Variants in IL16 observed in about 807,000 individuals in gnomAD.
IL16 encodes interleukin 16.
IL16 carries 67 observed loss-of-function variants against 110.1 expected under a neutral mutation model. That is an observed-to-expected ratio of 0.61 (90% CI 0.50 to 0.75). The LOEUF (loss-of-function observed/expected upper bound fraction) is 0.75, where lower values mean the gene tolerates loss of function less well. Ranked by LOEUF, IL16 falls within the 30% of genes least tolerant of loss-of-function variation. IL16 has a pLI of 0.00. For missense variants in IL16, 1,545 were observed against 1,655.0 expected (o/e 0.93, Z 1.15); for synonymous variants, 689 against 662.9 (o/e 1.04, Z -0.61).
chr15:81,201,439 C>A (rs997239458), intron 1 of IL16, among the ~76,000 whole-genome samples: 1 of 152,122 alleles, frequency 6.6e-6, no homozygotes, highest in South Asian at 2.1e-4. Context: ...ATTTAGAGAT[C>A]ACGAAATGTC....
intron 1 of IL16, among the ~76,000 whole-genome samples, chr15:81,219,270 G>A (rs746576198): frequency 3.9e-5 from 6 of 152,148 alleles, no homozygotes; most frequent in Admixed American, 1.3e-4. Flanking sequence ...GACTGAGTGC[G>A]TCCTAAGTGT....
At chr15:81,235,184 G>A (rs541426482) in intron 2 of IL16, among the ~76,000 whole-genome samples, 9 of 152,212 alleles carry the variant, frequency 5.9e-5, no homozygotes, top group Non-Finnish European at 1.2e-4. Context: ...AGATAAGGTT[G>A]GGGGCTGTGT....
chr15:81,251,022 C>T (rs767675152), intron 2 of IL16, among the ~76,000 whole-genome samples: 3 of 152,140 alleles, frequency 2.0e-5, no homozygotes, highest in Non-Finnish European at 2.9e-5. Context: ...CAAATTATCT[C>T]AGAGCAACCT....
chr15:81,254,090 T>C (rs1371822162), intron 2 of IL16, among the ~76,000 whole-genome samples: 2 of 152,288 alleles, frequency 1.3e-5, no homozygotes, highest in East Asian at 3.9e-4. Flanking sequence ...AGGAGGACAG[T>C]TGAATTCTAT....
In IL16 at chr15:81,212,653, G is replaced by A. The variant is rs553143157; in HGVS notation, c.-101-12646G>A. 2.3e-3 allele frequency among the ~76,000 whole-genome samples: 351 copies of A among 152,024 alleles called. 2 individuals are homozygous for A. The highest frequency in any genetic ancestry group is 0.013 in the South Asian group (63 of 4,804). On this transcript the variant is annotated intron_variant, in intron 1 of 18. Coordinates refer to ENST00000683961, the MANE Select transcript of IL16 (RefSeq NM_172217.5). ...CACCCAGCTAAGTTTTGTATTTTTA[G>A]TAGAGATGGGGTTTCACTATATTGG...
Position 81,299,389 on chromosome 15 carries a change from C to T in IL16, c.2063C>T (p.Thr688Ile), listed in dbSNP as rs745526058. The change falls in exon 14 of 19, where the codon ACA becomes ATA. Residue 688 changes from threonine to isoleucine, a missense_variant. Coordinates refer to ENST00000683961, the MANE Select transcript of IL16 (RefSeq NM_172217.5). ...TGTTTCTGCACTGTAGTGACCCAAACATCCCCGATAAAACACCCACTGCTT... is the reference window on the plus strand; with the variant it reads ...TGTTTCTGCACTGTAGTGACCCAAATATCCCCGATAAAACACCCACTGCTT... Reference protein sequence around the residue: ...GWRRASPVTQTSPIKHPLLKR... With the variant: ...GWRRASPVTQISPIKHPLLKR... 14 of 1,612,786 alleles carry T rather than the reference C, an allele frequency of 8.7e-6. No homozygotes were observed. The highest frequency in any genetic ancestry group is 1.7e-5 in the Admixed American group (1 of 60,012).
intron 1 of IL16, among the ~76,000 whole-genome samples, chr15:81,211,975 C>T (rs1896260756): frequency 6.6e-6 from 1 of 152,062 alleles, no homozygotes; most frequent in African/African-American, 2.4e-5. Context: ...TTCATTGTGT[C>T]TCTGCCACAT....
chr15:81,292,030 G>A (rs1016446191), intron 11 of IL16: 5 of 454,464 alleles, frequency 1.1e-5, no homozygotes, highest in Admixed American at 9.4e-5. Flanking sequence ...GGAGCAGGCA[G>A]GGTAGACAGA....
rs562618334 is a variant in IL16 at position 81,199,897 on chromosome 15, T to C, written c.-102+2745T>C. Among the ~76,000 whole-genome samples, 7 of 152,250 alleles carry C rather than the reference T, an allele frequency of 4.6e-5. No homozygotes were observed. The East Asian group carries it at 1.2e-3, about 25-fold the overall frequency. On this transcript the variant is annotated intron_variant, in intron 1 of 18. Coordinates refer to ENST00000683961, the MANE Select transcript of IL16 (RefSeq NM_172217.5). ...GACCTCTTGAGTAGGGCTGAGCAAA[T>C]GCGGCAAAATCAATGCACATATGAC...
chr15:81,220,296 G>A (rs1896570072), intron 1 of IL16, among the ~76,000 whole-genome samples: 1 of 152,098 alleles, frequency 6.6e-6, no homozygotes, highest in Non-Finnish European at 1.5e-5. Context: ...CATCATGCTG[G>A]CTAGTTTTTT....
chr15:81,291,756 A>G (rs1346151242), intron 11 of IL16, among the ~76,000 whole-genome samples: 1 of 152,194 alleles, frequency 6.6e-6, no homozygotes, highest in Non-Finnish European at 1.5e-5. Flanking sequence ...AGGAAGGTGC[A>G]GTGGCTAAGA....
chr15:81,300,331 T>C lies in IL16; in HGVS notation c.3005T>C (p.Leu1002Ser). ...SQVSSAVMKS[L>S]LCLPSSISCA... ...GTGTCATCGGCTGTCATGAAATCCT[T>C]GCTGTGCCTTCCATCTTCTATCTCC... Residue 1002 changes from leucine to serine, a missense_variant, in exon 14 of 19, where the codon TTG (leucine) becomes TCG (serine). Leu to Ser is a moderately radical substitution (Grantham distance 145). Around this residue, in one of 3 missense-constraint regions of IL16, gnomAD observed 356 missense variants for 399.3 expected, o/e 0.89. Transcript: ENST00000683961. 6.2e-7 allele frequency: 1 copy of C among 1,614,216 alleles called. No homozygotes were observed. The highest frequency in any genetic ancestry group is 8.5e-7 in the Non-Finnish European group (1 of 1,180,036).
intron 2 of IL16, among the ~76,000 whole-genome samples, chr15:81,236,320 C>T (rs923759394): frequency 3.9e-5 from 6 of 152,134 alleles, no homozygotes; most frequent in East Asian, 1.9e-4. Context: ...CTCTTCCTGC[C>T]GCAGAAGAGC....
At chr15:81,210,206 T>G (rs776817893) in intron 1 of IL16, among the ~76,000 whole-genome samples, 1 of 152,168 alleles carries the variant, frequency 6.6e-6, no homozygotes, top group African/African-American at 2.4e-5. Context: ...GAGTTTTGTA[T>G]TTCGTTTCAT....
In IL16 at chr15:81,197,002, A is replaced by C; in HGVS notation, c.-252A>C. On this transcript the variant is annotated 5_prime_UTR_variant, in exon 1 of 19. Transcript: ENST00000683961. ...GCCTCCGTCTGAGAACTGAGCGTCC[A>C]TTTCTCAATCCTTGCCGGCTCTGAC... 1 of 1,284,378 alleles carries C rather than the reference A, an allele frequency of 7.8e-7. No homozygotes were observed. The highest frequency in any genetic ancestry group is 1.2e-5 in the South Asian group (1 of 80,290). 79.6% of individuals were successfully genotyped at this position (1,284,378 alleles called of 1,614,324 possible).
chr15:81,269,693 C>T (rs1898550420), intron 5 of IL16, 45 bp downstream of exon 5: 1 of 1,383,984 alleles, frequency 7.2e-7, no homozygotes, highest in Non-Finnish European at 1.0e-6. Flanking sequence ...GGGGCAGCAC[C>T]AGTCTCCAAG....
rs1177911509 is a variant in IL16, at chr15:81,282,710, C to A, written c.1153C>A (p.His385Asn). 6.2e-7 allele frequency: 1 copy of A among 1,614,082 alleles called. No individual in the cohort carries two copies. The highest frequency in any genetic ancestry group is 1.3e-5 in the African/African-American group (1 of 74,950). ...YFQCISGIFV[H>N]TLSPGSVAHL... ...CCAATGCATCTCTGGCATTTTCGTC[C>A]ACACGCTGTCACCAGGATCCGTGGC... Residue 385 changes from histidine (H) to asparagine (N), a missense_variant, in exon 9 of 19, where the codon CAC becomes AAC. Physicochemically the swap from His to Asn is moderately conservative, Grantham distance 68 (BLOSUM62 1). This residue lies in a region of IL16 where 1,185 missense variants were observed against 1,238.8 expected (regional missense o/e 0.96). Coordinates refer to ENST00000683961, the MANE Select transcript of IL16 (RefSeq NM_172217.5).
intron 17 of IL16, 100 bp from the exon 18 acceptor site, chr15:81,306,319 CA>C: frequency 6.5e-7 from 1 of 1,544,280 alleles, no homozygotes; most frequent in Non-Finnish European, 8.8e-7. Context: ...TGCCTGTGTG[CA>C]AACACGGGGG....
At position 81,183,454 on chromosome 15, in the gene IL16, T is replaced by A. The variant is rs185668827; in HGVS notation, c.40+558T>A. On this transcript the variant is annotated intron_variant, in intron 1 of 18. Transcript: ENST00000302987. ...GGTACAGCCCAACAGATGAGAGCAT[T>A]TCTTATTAAAATCTTCTTCTTTTGC... Among the ~76,000 whole-genome samples the A allele has an allele frequency of 3.2e-4, 48 of 152,302 alleles. No homozygotes were observed. In the East Asian group the frequency reaches 8.9e-3, roughly 28 times the overall value.
Sources: allele counts gnomAD v4.1 joint callset (sites outside exome capture counted in the v4.1 genomes callset), GRCh38; gene constraint gnomAD v4.1.1; regional missense constraint gnomAD v4.1.1; transcripts MANE v1.5; gene names NCBI Gene and HGNC (gene_info 2026-07-23, HGNC 2026-07-21).